FREM2: variants seen among roughly 807,000 people sequenced by gnomAD.
FREM2 encodes FRAS1 related extracellular matrix 2, also known as FRAS1-related extracellular matrix protein 2.
In FREM2, 119 loss-of-function variants were observed where a neutral mutation model predicts 219.9. The observed-to-expected ratio is 0.54, with a 90% CI of 0.47 to 0.63. The LOEUF is 0.63. FREM2 is among the 30% of genes least tolerant of loss of function. FREM2 has a pLI of 0.00. For missense variants in FREM2, 4,030 were observed against 3,993.6 expected, an observed-to-expected ratio of 1.01 and a Z score of -0.25; for synonymous variants, 1,562 against 1,522.8, an observed-to-expected ratio of 1.03 and a Z score of -0.60.
chr13:38,688,621 C>G lies in FREM2; in HGVS notation c.1277C>G (p.Ala426Gly). The G allele has an allele frequency of 6.2e-7, 1 of 1,614,094 alleles. No individual in the cohort carries two copies. The highest frequency in any genetic ancestry group is 8.5e-7 in the Non-Finnish European group (1 of 1,179,980). ...DLEGAASDPFAFMVVVKPMNT... is the reference protein window; with the variant it reads ...DLEGAASDPFGFMVVVKPMNT... ...GAAGGAGCAGCTTCAGACCCTTTTG[C>G]CTTCATGGTAGTGGTGAAGCCCATG... The change falls in exon 1 of 24, where the codon GCC becomes GGC. Residue 426 changes from alanine (A) to glycine (G), a missense_variant. Physicochemically the swap from Ala to Gly is moderately conservative, Grantham distance 60. Around this residue, in one of 2 missense-constraint regions of FREM2, gnomAD observed 3,102 missense variants for 2,950.7 expected, o/e 1.05. Coordinates refer to ENST00000280481, the MANE Select transcript of FREM2 (RefSeq NM_207361.6).
intron 2 of FREM2, among the ~76,000 whole-genome samples, chr13:38,741,608 G>T (rs996374132): frequency 3.3e-5 from 5 of 152,000 alleles, no homozygotes; most frequent in Admixed American, 6.6e-5. Flanking sequence ...AGCTTTTTTT[G>T]GACACATCAC....
chr13:38,769,666 C>CAGGG lies in FREM2; in HGVS notation c.5500_5503dup (p.Ala1835GlufsTer11). 6.2e-7 allele frequency: 1 copy of CAGGG among 1,614,132 alleles called. No homozygotes were observed. Among genetic ancestry groups the CAGGG allele is most frequent in the Non-Finnish European group, 8.5e-7 (1 of 1,180,000 alleles). On this transcript the variant is annotated frameshift_variant, in exon 4 of 24. Coordinates refer to ENST00000280481, the MANE Select transcript of FREM2 (RefSeq NM_207361.6). LOFTEE classifies it high-confidence loss of function. ...AAGTGCAGTTCAACCCAGGCCAGAC[C>CAGGG]AGGGCCACATGGCGAGTGCGGATCC...
chr13:38,873,934 G>A (rs557953474), intron 17 of FREM2, among the ~76,000 whole-genome samples: 1 of 152,238 alleles, frequency 6.6e-6, no homozygotes, highest in Non-Finnish European at 1.5e-5. Context: ...TTAAGTCCGT[G>A]TCTTGTTTTA....
rs112705861 is a variant in FREM2, at chr13:38,868,138, T to C, written c.7983+3532T>C. Among the ~76,000 whole-genome samples the C allele has an allele frequency of 3.5e-3, 529 of 152,342 alleles. 1 individual carries two copies. Among genetic ancestry groups the C allele is most frequent in the Middle Eastern group, 6.8e-3 (2 of 294 alleles). On this transcript the variant is annotated intron_variant, in intron 16 of 23. Transcript: ENST00000280481. ...ACCCTCACCTCAACATACACGCACA[T>C]ATTATTTACACATAGGTGAGGGAGA...
intron 4 of FREM2, among the ~76,000 whole-genome samples, chr13:38,773,459 T>C (rs1419851530): frequency 3.3e-5 from 5 of 152,070 alleles, no homozygotes; most frequent in Admixed American, 1.3e-4. Context: ...GGAGCTATCA[T>C]AGCTTGCTGC....
intron 21 of FREM2, among the ~76,000 whole-genome samples, chr13:38,877,732 G>A (rs1226974786): frequency 1.3e-5 from 2 of 152,068 alleles, no homozygotes; most frequent in Non-Finnish European, 2.9e-5. Context: ...AACAAATAAC[G>A]TTAATTAGGC....
chr13:38,687,236 G>A lies in FREM2; in HGVS notation c.-109G>A. On this transcript the variant is annotated 5_prime_UTR_variant, in exon 1 of 24. Transcript: ENST00000280481. Reference sequence around the variant, plus strand: ...GCCCCGGCTACAGGAGGACCCCGCGGGCAACGCGCGGAGTTCCTGGCACTT... The same window carrying A: ...GCCCCGGCTACAGGAGGACCCCGCGAGCAACGCGCGGAGTTCCTGGCACTT... 1.4e-6 allele frequency: 2 copies of A among 1,456,980 alleles called. No individual in the cohort carries two copies. The highest frequency in any genetic ancestry group is 1.9e-6 in the Non-Finnish European group (2 of 1,065,556). The allele number at this position is 1,456,980 out of a possible 1,614,324, so 90.3% of individuals were successfully genotyped here. A position where few individuals can be genotyped will look rare whatever the true frequency, so the allele number is the denominator to read the frequency against.
Position 38,880,689 on chromosome 13 carries a change from A to G in FREM2, c.9412A>G (p.Lys3138Glu), listed in dbSNP as rs1878513285. The G allele has an allele frequency of 1.2e-6, 2 of 1,614,212 alleles. No homozygotes were observed. The highest frequency in any genetic ancestry group is 2.2e-5 in the East Asian group (1 of 44,866). The change falls in exon 24 of 24, where the codon AAG becomes GAG. Residue 3138 changes from lysine to glutamate, a missense_variant. Lys to Glu is a moderately conservative substitution (Grantham distance 56). This residue lies in a region of FREM2 where 928 missense variants were observed against 1,042.9 expected (regional missense o/e 0.89). Transcript: ENST00000280481. ...CATTGCAGTGCTGATGTGCAGGGGCAAGGAAAGTTTCAGGGGGAAGGATGC... is the reference window on the plus strand; with the variant it reads ...CATTGCAGTGCTGATGTGCAGGGGCGAGGAAAGTTTCAGGGGGAAGGATGC... ...TVIAVLMCRG[K>E]ESFRGKDAPK...
At chr13:38,798,977 C>A (rs1279776014) in intron 6 of FREM2, among the ~76,000 whole-genome samples, 4 of 151,826 alleles carry the variant, frequency 2.6e-5, no homozygotes, top group Admixed American at 2.6e-4. Flanking sequence ...CTGTTTTCTT[C>A]AGTTCTGTTC....
At position 38,689,651 on chromosome 13, in the gene FREM2, C is replaced by G; in HGVS notation, c.2307C>G (p.Val769=). The G allele has an allele frequency of 6.2e-7, 1 of 1,614,062 alleles. No homozygotes were observed. The highest frequency in any genetic ancestry group is 8.5e-7 in the Non-Finnish European group (1 of 1,180,020). Residue 769 remains valine (V), a synonymous_variant, in exon 1 of 24, where the codon GTC becomes GTG. Coordinates refer to ENST00000280481, the MANE Select transcript of FREM2 (RefSeq NM_207361.6). ...GTLVLTDNPS[V]VVTHFTQAQI... ...TGGTCTTGACTGACAACCCCTCAGT[C>G]GTGGTGACCCATTTTACCCAAGCCC...
intron 16 of FREM2, among the ~76,000 whole-genome samples, chr13:38,872,069 A>T (rs1878177325): frequency 6.6e-6 from 1 of 152,224 alleles, no homozygotes. Context: ...GAAGTGATAA[A>T]TAGATAAATG....
intron 4 of FREM2, among the ~76,000 whole-genome samples, chr13:38,771,610 C>G (rs1208968741): frequency 6.6e-6 from 1 of 152,084 alleles, no homozygotes; most frequent in Admixed American, 6.5e-5. Flanking sequence ...GTAGGCTATA[C>G]CAAATGAAAC....
At chr13:38,853,499 A>T (rs939615268) in intron 11 of FREM2, among the ~76,000 whole-genome samples, 1 of 152,156 alleles carries the variant, frequency 6.6e-6, no homozygotes, top group African/African-American at 2.4e-5. Context: ...TTAGTTCTTG[A>T]TGATCTTAGC....
At chr13:38,817,456 G>T (rs1875811098) in intron 6 of FREM2, among the ~76,000 whole-genome samples, 1 of 151,996 alleles carries the variant, frequency 6.6e-6, no homozygotes, top group Non-Finnish European at 1.5e-5. Context: ...AAAAATACAT[G>T]TTGGGGAAAA....
intron 21 of FREM2, among the ~76,000 whole-genome samples, chr13:38,877,817 A>G (rs1471803615): frequency 6.6e-6 from 1 of 152,176 alleles, no homozygotes; most frequent in African/African-American, 2.4e-5. Flanking sequence ...ATTTTTGTAA[A>G]CTGGACTTGG....
At chr13:38,779,512 T>C (rs1429767204) in intron 4 of FREM2, 2 of 152,146 alleles carry the variant, frequency 1.3e-5, no homozygotes, top group Non-Finnish European at 2.9e-5. Flanking sequence ...GCGTTTCGTA[T>C]TTTTGCTGCC....
intron 6 of FREM2, among the ~76,000 whole-genome samples, chr13:38,791,178 C>T (rs1438532572): frequency 6.6e-6 from 1 of 152,176 alleles, no homozygotes; most frequent in Non-Finnish European, 1.5e-5. Context: ...ACTTCTTCAA[C>T]AGCACATTTA....
rs115656918 is a variant in FREM2, at chr13:38,841,617, C to T, written c.6020-4956C>T. ...TCATTTTGATTCACTTTTCCTTCCT[C>T]GTGAATTTCTTGCCGATTCGAAGGG... On this transcript the variant is annotated intron_variant, in intron 6 of 23. Transcript: ENST00000280481. Among the ~76,000 whole-genome samples, 1,040 of 152,050 alleles carry T rather than the reference C, an allele frequency of 6.8e-3. 15 individuals carry two copies. The highest frequency in any genetic ancestry group is 0.024 in the African/African-American group (986 of 41,460).
chr13:38,846,082 G>T (rs1465580147), intron 6 of FREM2, among the ~76,000 whole-genome samples: 1 of 152,050 alleles, frequency 6.6e-6, no homozygotes, highest in Non-Finnish European at 1.5e-5. Flanking sequence ...TAACCCTTGT[G>T]ATTATAACAC....
Sources: gnomAD v4.1 joint callset for allele counts (sites outside exome capture counted in the v4.1 genomes callset) on GRCh38, gnomAD v4.1.1 for gene constraint, gnomAD v4.1.1 regional missense constraint, MANE v1.5 for transcripts, NCBI Gene and HGNC (gene_info 2026-07-23, HGNC 2026-07-21) for gene names.